NRCAM: variants seen among roughly 807,000 people sequenced by gnomAD.
The protein encoded by NRCAM is NgCAM-related cell adhesion molecule.
NRCAM carries 83 observed loss-of-function variants against 156.5 expected under a neutral mutation model. The observed-to-expected ratio is 0.53, with a 90% confidence interval of 0.44 to 0.64. The LOEUF (loss-of-function observed/expected upper bound fraction) is 0.64. Ranked by LOEUF, NRCAM falls within the 30% of genes least tolerant of loss-of-function variation. NRCAM has a pLI of 0.00. For missense variants in NRCAM, 1,417 were observed against 1,597.3 expected, an observed-to-expected ratio of 0.89 and a Z score of 1.92; for synonymous variants, 538 against 563.9, an observed-to-expected ratio of 0.95 and a Z score of 0.65.
chr7:108,334,069 AAC>A (rs2099154062), intron 2 of NRCAM, among the ~76,000 whole-genome samples: 1 of 152,226 alleles, frequency 6.6e-6, no homozygotes, highest in Admixed American at 6.5e-5. Flanking sequence ...ATTTCAAGTG[AAC>A]ACACAATATT....
chr7:108,212,141 G>A (rs574926749), intron 11 of NRCAM, among the ~76,000 whole-genome samples: 90 of 152,338 alleles, frequency 5.9e-4, no homozygotes, highest in African/African-American at 2.0e-3. Flanking sequence ...CCAGAAGAGA[G>A]ATAACAATCA....
At position 108,167,390 on chromosome 7, in the gene NRCAM, CTCTA is replaced by C. The variant is rs1197703319; in HGVS notation, c.3314-321_3314-318del. Among the ~76,000 whole-genome samples, 4 of 152,134 alleles carry C rather than the reference CTCTA, an allele frequency of 2.6e-5. No individual in the cohort carries two copies. In the South Asian group the frequency reaches 8.3e-4, roughly 32 times the overall value. On this transcript the variant is annotated intron_variant, in intron 29 of 32. Coordinates refer to ENST00000379028, the MANE Select transcript of NRCAM (RefSeq NM_001037132.4). ...CTTGCCTTATGAAACTGTTGAGTTTCTCTAAAGATGTTTCTCAAAAGAACTGATA... is the reference window on the plus strand; with the variant it reads ...CTTGCCTTATGAAACTGTTGAGTTTCAAGATGTTTCTCAAAAGAACTGATA...
intron 3 of NRCAM, among the ~76,000 whole-genome samples, chr7:108,299,119 A>AAAAAG (rs1563163944): frequency 2.0e-5 from 2 of 99,662 alleles, no homozygotes; most frequent in African/African-American, 7.7e-5. Context: ...AAAAAAAAAG[A>AAAAAG]AAGAAAGAAA....
intron 1 of NRCAM, among the ~76,000 whole-genome samples, chr7:108,447,318 T>C (rs1845570836): frequency 1.4e-5 from 2 of 142,544 alleles, no homozygotes; most frequent in Admixed American, 1.5e-4. Context: ...CAGGCTGGAG[T>C]GCAGTGGCAC....
At position 108,407,479 on chromosome 7, in the gene NRCAM, T is replaced by A. The variant is rs933999393; in HGVS notation, c.-331-7886A>T. 7.9e-5 allele frequency among the ~76,000 whole-genome samples: 12 copies of A among 152,348 alleles called. No homozygotes were observed. The South Asian group carries it at 2.5e-3, about 32-fold the overall frequency. On this transcript the variant is annotated intron_variant, in intron 1 of 32. Coordinates refer to ENST00000379028, the MANE Select transcript of NRCAM (RefSeq NM_001037132.4). ...ACTGTGAAGTTCCATTTCTCTCATC[T>A]AAGATTGTGATCAACTGAACCGAGA... is the stretch of plus-strand genomic sequence containing the variant.
chr7:108,226,527 CT>C, intron 8 of NRCAM, 149 bp from the exon 9 acceptor site: 1 of 329,400 alleles, frequency 3.0e-6, no homozygotes, highest in South Asian at 7.9e-5. Context: ...AAGCAAATAA[CT>C]GTAAAAAAAA....
rs547310393 is a variant in NRCAM, at chr7:108,247,852, A to G, written c.-106-7682T>C. Among the ~76,000 whole-genome samples, 15 of 152,342 alleles carry G rather than the reference A, an allele frequency of 9.8e-5. No individual in the cohort carries two copies. The East Asian group carries it at 2.7e-3, about 27-fold the overall frequency. On this transcript the variant is annotated intron_variant, in intron 3 of 32. Transcript: ENST00000379028. ...CAGGTAATCTGGAGAAAGGGAGGAA[A>G]GAGGGGCAAGCCAAACCACAGGGAT... is the stretch of plus-strand genomic sequence containing the variant.
intron 2 of NRCAM, among the ~76,000 whole-genome samples, chr7:108,337,274 A>C (rs1256775047): frequency 6.6e-6 from 1 of 151,892 alleles, no homozygotes; most frequent in African/African-American, 2.4e-5. Context: ...GAAAAAAAAA[A>C]AAAAAACCAC....
chr7:108,155,099 T>TACACAC (rs1430907685), intron 32 of NRCAM, among the ~76,000 whole-genome samples: 39 of 89,978 alleles, frequency 4.3e-4, no homozygotes, highest in Non-Finnish European at 7.3e-4. Flanking sequence ...TATATATATA[T>TACACAC]ATACACACAC....
At chr7:108,266,348 A>G (rs145060396) in intron 3 of NRCAM, among the ~76,000 whole-genome samples, 187 of 152,316 alleles carry the variant, frequency 1.2e-3, no homozygotes, top group African/African-American at 4.1e-3. Context: ...AAATGCTGCT[A>G]TGCTACCAAT....
chr7:108,299,052 A>G (rs7787926), intron 3 of NRCAM, among the ~76,000 whole-genome samples: 69,462 of 124,464 alleles, frequency 0.56, 20,192 homozygotes, highest in East Asian at 0.81. Context: ...TTTGCAGTGA[A>G]CCAAGATCAC....
At chr7:108,433,637 C>A (rs1828495569) in intron 1 of NRCAM, among the ~76,000 whole-genome samples, 1 of 152,074 alleles carries the variant, frequency 6.6e-6, no homozygotes, top group African/African-American at 2.4e-5. Context: ...TTAAAAAGAG[C>A]CTGGTGCCTT....
chr7:108,413,916 T>C (rs1273593058), intron 1 of NRCAM, among the ~76,000 whole-genome samples: 2 of 152,128 alleles, frequency 1.3e-5, no homozygotes, highest in African/African-American at 2.4e-5. Context: ...AGCCTCTCTG[T>C]AGCTGATGGC....
At chr7:108,323,759 C>CA (rs1175519732) in intron 2 of NRCAM, among the ~76,000 whole-genome samples, 1 of 151,692 alleles carries the variant, frequency 6.6e-6, no homozygotes, top group Non-Finnish European at 1.5e-5. Context: ...TTTTAGGTTG[C>CA]AAAAAATAAA....
At chr7:108,269,660 C>T (rs2154034948) in intron 3 of NRCAM, among the ~76,000 whole-genome samples, 1 of 152,254 alleles carries the variant, frequency 6.6e-6, no homozygotes. Flanking sequence ...GAATACAAAG[C>T]TAGATGAAAC....
Position 108,166,267 on chromosome 7 carries a change from A to G in NRCAM, c.3466+654T>C, listed in dbSNP as rs1237544670. ...TCTTTTCTTTTTTTTTTTTTTTTTG[A>G]GACGGAGTCTTACTCTGTCACCCAG... On this transcript the variant is annotated intron_variant, in intron 30 of 32. Transcript: ENST00000379028. Among the ~76,000 whole-genome samples the G allele has an allele frequency of 3.4e-5, 4 of 118,104 alleles. No homozygotes were observed. In the Admixed American group the frequency reaches 3.7e-4, roughly 11 times the overall value. The allele number at this position is 118,104 out of a possible 152,430, so 77.5% of individuals were successfully genotyped here.
intron 22 of NRCAM, among the ~76,000 whole-genome samples, chr7:108,183,850 C>T (rs1342153451): frequency 6.6e-6 from 1 of 152,076 alleles, no homozygotes; most frequent in Non-Finnish European, 1.5e-5. Flanking sequence ...TTTATGATAA[C>T]ACTAGCTAGC....
chr7:108,176,536 T>A lies in NRCAM; in HGVS notation c.3045A>T (p.Leu1015Phe). The change falls in exon 27 of 33, where the codon TTA (leucine) becomes TTT (phenylalanine). Residue 1015 changes from leucine (L) to phenylalanine (F), a missense_variant. Physicochemically the swap from Leu to Phe is conservative, Grantham distance 22. Around this residue, in one of 2 missense-constraint regions of NRCAM, gnomAD observed 1,238 missense variants for 1,336.4 expected, o/e 0.93. Coordinates refer to ENST00000379028, the MANE Select transcript of NRCAM (RefSeq NM_001037132.4). ...ATCGAGTGCTGAAATTTAAATTTTT[T>A]AAAGTCCACCGTGTCTTGTTGGCAG... is the stretch of plus-strand genomic sequence containing the variant. ...KIPANKTRWT[L>F]KNLNFSTRYK... 6.2e-7 allele frequency: 1 copy of A among 1,613,802 alleles called. No homozygotes were observed. Among genetic ancestry groups the A allele is most frequent in the Non-Finnish European group, 8.5e-7 (1 of 1,179,836 alleles).
intron 2 of NRCAM, among the ~76,000 whole-genome samples, chr7:108,358,163 T>C (rs1029469190): frequency 1.9e-4 from 28 of 149,952 alleles, no homozygotes; most frequent in African/African-American, 6.6e-4. Context: ...TTTCCAGTAC[T>C]GTGAGAGGCC....
Sources: gnomAD v4.1 joint callset for allele counts (sites outside exome capture counted in the v4.1 genomes callset) on GRCh38, gnomAD v4.1.1 for gene constraint, gnomAD v4.1.1 regional missense constraint, MANE v1.5 for transcripts, NCBI Gene and HGNC (gene_info 2026-07-23, HGNC 2026-07-21) for gene names.